IFT88: variants seen among roughly 807,000 people sequenced by gnomAD.
The protein encoded by IFT88 is intraflagellar transport protein 88 homolog.
Under a neutral mutation model 119.5 loss-of-function variants are expected in IFT88, and 74 were observed. The observed-to-expected ratio is 0.62, with a 90% confidence interval of 0.51 to 0.75. IFT88 has a LOEUF of 0.75. IFT88 is among the 30% of genes least tolerant of loss of function. IFT88 has a pLI of 0.00. For synonymous variants in IFT88, 279 were observed against 316.7 expected, an observed-to-expected ratio of 0.88 and a Z score of 1.26; for missense variants, 961 against 977.7, an observed-to-expected ratio of 0.98 and a Z score of 0.23.
At chr13:20,647,020 T>C (rs983886965) in intron 20 of IFT88, among the ~76,000 whole-genome samples, 9 of 152,214 alleles carry the variant, frequency 5.9e-5, no homozygotes, top group South Asian at 2.1e-4. Flanking sequence ...CTGTGTGATA[T>C]GAGCACTGCT....
At chr13:20,690,976 T>G (rs1296222364) in intron 25 of IFT88, 78 bp from the exon 26 acceptor site, 1 of 1,541,598 alleles carries the variant, frequency 6.5e-7, no homozygotes, top group Non-Finnish European at 8.9e-7. Context: ...TTATTCATTT[T>G]GACTATGAGC....
chr13:20,631,383 G>T, intron 16 of IFT88: 1 of 302,448 alleles, frequency 3.3e-6, no homozygotes, highest in Non-Finnish European at 6.3e-6. Flanking sequence ...AGCTAGAGAT[G>T]TATTTCAACT....
intron 14 of IFT88, among the ~76,000 whole-genome samples, chr13:20,621,944 C>A (rs1239639602): frequency 6.6e-6 from 1 of 152,150 alleles, no homozygotes; most frequent in Non-Finnish European, 1.5e-5. Flanking sequence ...TTTACTGTCT[C>A]CATAGTTTTG....
At chr13:20,605,640 A>G (rs1350654704) in intron 13 of IFT88, among the ~76,000 whole-genome samples, 1 of 152,092 alleles carries the variant, frequency 6.6e-6, no homozygotes, top group Admixed American at 6.6e-5. Flanking sequence ...CTGGACACCA[A>G]GGGCTTAGTC....
chr13:20,620,561 A>T (rs938582532), intron 14 of IFT88, among the ~76,000 whole-genome samples: 11 of 152,130 alleles, frequency 7.2e-5, no homozygotes, highest in African/African-American at 2.7e-4. Context: ...AAGGTAGGAC[A>T]CTTTATTTTT....
chr13:20,588,224 T>C (rs1302769213), intron 3 of IFT88, among the ~76,000 whole-genome samples: 2 of 152,112 alleles, frequency 1.3e-5, no homozygotes, highest in African/African-American at 4.8e-5. Context: ...CAGGATTTTA[T>C]ATTATTTTTA....
chr13:20,659,513 C>T (rs111943161), intron 22 of IFT88, among the ~76,000 whole-genome samples: 14 of 152,064 alleles, frequency 9.2e-5, no homozygotes, highest in African/African-American at 2.7e-4. Context: ...CTAAGCCAAT[C>T]TTTATTTGCA....
chr13:20,627,729 TCAA>T (rs869234034), intron 15 of IFT88, among the ~76,000 whole-genome samples: 297 of 21,366 alleles, frequency 0.014, 1 homozygote, highest in African/African-American at 0.032. Flanking sequence ...AGACTTCATC[TCAA>T]AAAAAAAAAA....
rs529719821 is a variant in IFT88 at position 20,591,345 on chromosome 13, T to C, written c.265-273T>C. Among the ~76,000 whole-genome samples the C allele has an allele frequency of 3.9e-5, 6 of 152,324 alleles. No homozygotes were observed. The South Asian group carries it at 1.2e-3, about 32-fold the overall frequency. ...ATTTCTGTGGTTTCTCTCATAGGCA[T>C]GTAAGAGACCAACCAAAAGTAAGAG... On this transcript the variant is annotated intron_variant, in intron 5 of 25. Transcript: ENST00000351808.
Position 20,643,509 on chromosome 13 carries a change from C to T in IFT88, c.1737C>T (p.Val579=). The T allele has an allele frequency of 6.2e-7, 1 of 1,611,442 alleles. No individual in the cohort carries two copies. The highest frequency in any genetic ancestry group is 8.5e-7 in the Non-Finnish European group (1 of 1,178,410). The part of the protein sequence containing the change: ...SQAIEWLMQV[V]SVIPTDPQVL... ...CTATTGAATGGCTAATGCAGGTGGTCAGTGTTATTCCAACCGATCCTCAAG... is the reference window on the plus strand; with the variant it reads ...CTATTGAATGGCTAATGCAGGTGGTTAGTGTTATTCCAACCGATCCTCAAG... Residue 579 remains valine (V), a synonymous_variant, in exon 19 of 26, where the codon GTC becomes GTT. Transcript: ENST00000351808.
intron 13 of IFT88, among the ~76,000 whole-genome samples, chr13:20,612,591 C>G (rs562728079): frequency 2.6e-5 from 4 of 152,272 alleles, no homozygotes; most frequent in African/African-American, 9.6e-5. Context: ...CAGTGCCACC[C>G]TTGTCAAAAT....
chr13:20,668,014 C>G (rs2055039897), intron 23 of IFT88, among the ~76,000 whole-genome samples: 1 of 152,132 alleles, frequency 6.6e-6, no homozygotes, highest in African/African-American at 2.4e-5. Context: ...ACACTCTTAA[C>G]TTTCCGTCTG....
intron 2 of IFT88, among the ~76,000 whole-genome samples, chr13:20,581,711 G>A (rs906386646): frequency 1.3e-5 from 2 of 151,960 alleles, no homozygotes; most frequent in Admixed American, 1.3e-4. Flanking sequence ...AAATTAGCAG[G>A]TTGTGGTAGT....
chr13:20,631,668 CT>C (rs1279081206), intron 16 of IFT88: 1 of 152,500 alleles, frequency 6.6e-6, no homozygotes, highest in Non-Finnish European at 1.5e-5. Flanking sequence ...TAATTTAGGA[CT>C]TTCAGGAAAG....
chr13:20,641,261 G>C, intron 17 of IFT88, 29 bp from the exon 18 acceptor site: 1 of 1,254,476 alleles, frequency 8.0e-7, no homozygotes, highest in East Asian at 2.4e-5. Flanking sequence ...GATACTTATA[G>C]ATTTTCTTTT....
At chr13:20,647,558 CTG>C (rs1444765671) in intron 20 of IFT88, among the ~76,000 whole-genome samples, 5 of 152,142 alleles carry the variant, frequency 3.3e-5, no homozygotes, top group African/African-American at 9.7e-5. Context: ...TAAGCATAAA[CTG>C]TTGTTTTATT....
intron 16 of IFT88, 89 bp from the exon 17 acceptor site, chr13:20,638,241 CAG>C (rs1324667728): frequency 3.0e-6 from 2 of 675,404 alleles, no homozygotes; most frequent in African/African-American, 1.9e-5. Context: ...TTTATAATCT[CAG>C]AAAGTCTATT....
At chr13:20,675,537 A>G (rs573820944) in intron 24 of IFT88, among the ~76,000 whole-genome samples, 10 of 152,182 alleles carry the variant, frequency 6.6e-5, no homozygotes, top group Admixed American at 2.0e-4. Context: ...TAACCTGCCA[A>G]TGTGTCGTCT....
intron 24 of IFT88, among the ~76,000 whole-genome samples, chr13:20,671,766 G>T (rs1183318956): frequency 6.6e-6 from 1 of 152,116 alleles, no homozygotes; most frequent in African/African-American, 2.4e-5. Context: ...TCGAATTGGG[G>T]TCTATAAATA....
Sources: gnomAD v4.1 joint callset for allele counts (sites outside exome capture counted in the v4.1 genomes callset) on GRCh38, gnomAD v4.1.1 for gene constraint, MANE v1.5 for transcripts, NCBI Gene and HGNC (gene_info 2026-07-23, HGNC 2026-07-21) for gene names.